PDE1C: variants seen among roughly 807,000 people sequenced by gnomAD.
PDE1C encodes dual specificity calcium/calmodulin-dependent 3',5'-cyclic nucleotide phosphodiesterase 1C.
In PDE1C, 62 loss-of-function variants were observed where a neutral mutation model predicts 93.1. The ratio of observed to expected loss-of-function variants is 0.67; its 90% CI spans 0.54 to 0.82. The LOEUF is 0.82. Among genes scored for constraint, PDE1C ranks in the 40% least tolerant of loss-of-function variants. The probability of loss-of-function intolerance (pLI) is 0.00; values close to 1 mark genes in which losing one functional copy is unlikely to be tolerated. For missense variants in PDE1C, 742 were observed against 884.6 expected, an observed-to-expected ratio of 0.84 and a Z score of 2.04; for synonymous variants, 325 against 310.1, an observed-to-expected ratio of 1.05 and a Z score of -0.50.
At chr7:32,288,258 A>C (rs570021133) in intron 1 of PDE1C, among the ~76,000 whole-genome samples, 1 of 152,340 alleles carries the variant, frequency 6.6e-6, no homozygotes, top group Non-Finnish European at 1.5e-5. Context: ...AGCTGCTCAT[A>C]GATCTTTTTC....
chr7:32,123,086 C>T (rs776227699), intron 3 of PDE1C, among the ~76,000 whole-genome samples: 7 of 152,238 alleles, frequency 4.6e-5, no homozygotes, highest in Admixed American at 4.6e-4. Context: ...ATAAATACCT[C>T]GACACAAATA....
At chr7:32,178,788 C>T (rs1022866899) in intron 2 of PDE1C, among the ~76,000 whole-genome samples, 1 of 152,188 alleles carries the variant, frequency 6.6e-6, no homozygotes, top group Non-Finnish European at 1.5e-5. Flanking sequence ...GTTCTCTTCA[C>T]AAAGACAACT....
intron 3 of PDE1C, among the ~76,000 whole-genome samples, chr7:32,142,058 G>A (rs748126434): frequency 7.3e-5 from 11 of 151,602 alleles, no homozygotes; most frequent in Non-Finnish European, 1.2e-4. Context: ...CTGCAGTTGG[G>A]TTTTGAGTGG....
At chr7:31,639,543 T>G in the PDE1C span, among the ~76,000 whole-genome samples, 14 of 50,532 alleles carry the variant, frequency 2.8e-4, no homozygotes, top group African/African-American at 1.8e-3. Context: ...TTTTTGTTTT[T>G]TTTTTTTTTT....
intron 2 of PDE1C, among the ~76,000 whole-genome samples, chr7:31,887,170 A>G (rs955698270): frequency 2.0e-5 from 3 of 152,148 alleles, no homozygotes; most frequent in Non-Finnish European, 2.9e-5. Context: ...CATGATGGAA[A>G]TTTGATAGAG....
At chr7:31,830,315 A>G (rs1790223111) in intron 11 of PDE1C, among the ~76,000 whole-genome samples, 1 of 152,178 alleles carries the variant, frequency 6.6e-6, no homozygotes, top group Non-Finnish European at 1.5e-5. Context: ...TTATTCATAC[A>G]CTTCCTCTTT....
At chr7:32,232,998 T>G (rs1232570551) in intron 1 of PDE1C, among the ~76,000 whole-genome samples, 1 of 152,090 alleles carries the variant, frequency 6.6e-6, no homozygotes, top group Non-Finnish European at 1.5e-5. Context: ...AAATTCAAAT[T>G]TACTGTGCAT....
chr7:31,956,484 GT>G (rs200150272), intron 2 of PDE1C, among the ~76,000 whole-genome samples: 2,038 of 150,650 alleles, frequency 0.014, 18 homozygotes, highest in Non-Finnish European at 0.023. Flanking sequence ...ATTATTGTTC[GT>G]TTTGTTTTTT....
At chr7:31,873,867 A>T (rs1415481502) in intron 5 of PDE1C, among the ~76,000 whole-genome samples, 2 of 152,208 alleles carry the variant, frequency 1.3e-5, no homozygotes, top group Non-Finnish European at 2.9e-5. Context: ...TGCAGCTGCT[A>T]CTGTTTAATT....
chr7:31,689,181 C>T, the PDE1C span, among the ~76,000 whole-genome samples: 8 of 152,152 alleles, frequency 5.3e-5, no homozygotes, highest in African/African-American at 1.7e-4. Flanking sequence ...TGGCAGTCCA[C>T]GTCCCTGTGT....
chr7:31,659,466 A>T, the PDE1C span, among the ~76,000 whole-genome samples: 2 of 151,750 alleles, frequency 1.3e-5, no homozygotes, highest in Non-Finnish European at 2.9e-5. Flanking sequence ...AACTCCACCA[A>T]CCTCTCTGCT....
At chr7:32,040,037 G>C (rs201180621) in intron 2 of PDE1C, among the ~76,000 whole-genome samples, 2 of 152,100 alleles carry the variant, frequency 1.3e-5, no homozygotes, top group South Asian at 4.1e-4. Context: ...TTAAAAGTAC[G>C]TCTAAAAATT....
intron 2 of PDE1C, among the ~76,000 whole-genome samples, chr7:31,909,339 C>T (rs1419195763): frequency 6.6e-6 from 1 of 152,122 alleles, no homozygotes; most frequent in Non-Finnish European, 1.5e-5. Context: ...TAAAGACCCT[C>T]TTAGTCATCT....
At position 32,139,776 on chromosome 7, in the gene PDE1C, T is replaced by C. The variant is rs139862792; in HGVS notation, c.308+30009A>G. Among the ~76,000 whole-genome samples the C allele has an allele frequency of 2.3e-3, 348 of 152,228 alleles. 1 individual carries two copies. Among genetic ancestry groups the C allele is most frequent in the African/African-American group, 7.8e-3 (324 of 41,530 alleles). On this transcript the variant is annotated intron_variant, in intron 3 of 18. Coordinates refer to the PDE1C transcript ENST00000396193. ...TGGAGAAGGAAGGATGTGGGTAGGG[T>C]TATTTTTGAAAATAGGTTCCTCCTC...
At chr7:31,965,208 G>GAA (rs374315240) in intron 2 of PDE1C, among the ~76,000 whole-genome samples, 3 of 151,700 alleles carry the variant, frequency 2.0e-5, no homozygotes, top group Non-Finnish European at 4.4e-5. Flanking sequence ...TAAAAACCTT[G>GAA]AAAAAAAATT....
At chr7:31,694,217 C>T in the PDE1C span, among the ~76,000 whole-genome samples, 2 of 152,104 alleles carry the variant, frequency 1.3e-5, no homozygotes, top group African/African-American at 4.8e-5. Context: ...ACACTCAGGA[C>T]TGGAGTTAAT....
At chr7:31,891,836 ACACG>A (rs1798680906) in intron 2 of PDE1C, among the ~76,000 whole-genome samples, 2 of 146,444 alleles carry the variant, frequency 1.4e-5, no homozygotes, top group African/African-American at 5.1e-5. Context: ...ACACACACAC[ACACG>A]TGAGTACAAT....
At chr7:32,021,029 T>G (rs374938575) in intron 2 of PDE1C, among the ~76,000 whole-genome samples, 1 of 152,052 alleles carries the variant, frequency 6.6e-6, no homozygotes, top group Non-Finnish European at 1.5e-5. Flanking sequence ...GCTACATAAG[T>G]GACTTTTAGA....
intron 11 of PDE1C, among the ~76,000 whole-genome samples, chr7:31,829,583 A>G (rs932572677): frequency 3.9e-5 from 6 of 152,138 alleles, no homozygotes; most frequent in Non-Finnish European, 8.8e-5. Flanking sequence ...ATTAACTGAA[A>G]GGACGGAAAA....
Sources: allele counts gnomAD v4.1 joint callset (sites outside exome capture counted in the v4.1 genomes callset), GRCh38; gene constraint gnomAD v4.1.1; transcripts MANE v1.5; gene names NCBI Gene and HGNC (gene_info 2026-07-23, HGNC 2026-07-21).